SNX2: variants seen among roughly 807,000 people sequenced by gnomAD.
The protein encoded by SNX2 is sorting nexin-2.
A neutral mutation model predicts 69.9 loss-of-function variants in SNX2; 25 were observed. The ratio of observed to expected loss-of-function variants is 0.36; its 90% CI spans 0.26 to 0.50. The LOEUF (loss-of-function observed/expected upper bound fraction) is 0.50, where lower values mean the gene tolerates loss of function less well. Ranked by LOEUF, SNX2 falls within the 20% of genes least tolerant of loss-of-function variation. The pLI, the probability that SNX2 is intolerant of heterozygous loss-of-function variation, is 0.97. For synonymous variants in SNX2, 229 were observed against 200.4 expected, an observed-to-expected ratio of 1.14 and a Z score of -1.20; for missense variants, 551 against 613.3, an observed-to-expected ratio of 0.90 and a Z score of 1.07.
chr5:122,808,432 C>G, intron 7 of SNX2, 77 bp downstream of exon 7: 1 of 1,095,540 alleles, frequency 9.1e-7, no homozygotes, highest in Non-Finnish European at 1.3e-6. Context: ...TATGGCAAAA[C>G]TGTGTTTTAA....
intron 7 of SNX2, 115 bp downstream of exon 7, chr5:122,808,470 T>C (rs1581638441): frequency 1.5e-6 from 1 of 679,698 alleles, no homozygotes; most frequent in East Asian, 2.9e-5. Context: ...AAGTACCACT[T>C]GGTGGCTTTT....
chr5:122,819,328 C>T (rs182564522), intron 11 of SNX2, among the ~76,000 whole-genome samples: 34 of 152,302 alleles, frequency 2.2e-4, no homozygotes, highest in African/African-American at 8.2e-4. Context: ...CGTTCTAGCA[C>T]TAACTGAAAC....
intron 7 of SNX2, among the ~76,000 whole-genome samples, chr5:122,814,418 CT>C (rs1291903540): frequency 6.6e-6 from 1 of 152,128 alleles, no homozygotes; most frequent in Non-Finnish European, 1.5e-5. Context: ...GTTAAATGCT[CT>C]GGTTCTAGTA....
At chr5:122,780,137 A>G (rs1752939478) in intron 1 of SNX2, among the ~76,000 whole-genome samples, 1 of 152,342 alleles carries the variant, frequency 6.6e-6, no homozygotes, top group Admixed American at 6.5e-5. Context: ...TTAGGCAGCT[A>G]GGACTGCTGG....
At chr5:122,792,990 A>G (rs1433638071) in intron 1 of SNX2, among the ~76,000 whole-genome samples, 1 of 152,188 alleles carries the variant, frequency 6.6e-6, no homozygotes, top group Non-Finnish European at 1.5e-5. Context: ...GTTGGCAAAG[A>G]ATTGGAGCAA....
In SNX2 at chr5:122,775,219, C is replaced by G; in HGVS notation, c.108+8C>G. ...ACTGTCTCCACCCTAGAGGTGAGAC[C>G]GCGTCGCTGCGGGTGCTGCGCTGCG... is the stretch of plus-strand genomic sequence containing the variant. On this transcript the variant is annotated splice_region_variant and intron_variant, in intron 1 of 14. Coordinates refer to ENST00000379516, the MANE Select transcript of SNX2 (RefSeq NM_003100.4). 1.3e-6 allele frequency: 2 copies of G among 1,549,148 alleles called. No homozygotes were observed. The highest frequency in any genetic ancestry group is 2.7e-5 in the African/African-American group (2 of 73,298).
intron 11 of SNX2, among the ~76,000 whole-genome samples, chr5:122,823,092 G>T (rs1754060093): frequency 6.6e-6 from 1 of 152,148 alleles, no homozygotes; most frequent in African/African-American, 2.4e-5. Flanking sequence ...AGAGCAGCTT[G>T]CATACAAATG....
chr5:122,811,723 T>C (rs1367561967), intron 7 of SNX2, among the ~76,000 whole-genome samples: 1 of 151,864 alleles, frequency 6.6e-6, no homozygotes, highest in African/African-American at 2.4e-5. Flanking sequence ...CACAGCTACT[T>C]GGGAGGCTGA....
At chr5:122,810,805 A>G (rs567635702) in intron 7 of SNX2, among the ~76,000 whole-genome samples, 6 of 152,360 alleles carry the variant, frequency 3.9e-5, no homozygotes, top group African/African-American at 1.4e-4. Flanking sequence ...GAAACAGTAT[A>G]GTATGAGGGA....
chr5:122,814,767 T>C (rs1379726321), intron 7 of SNX2, among the ~76,000 whole-genome samples: 1 of 152,188 alleles, frequency 6.6e-6, no homozygotes, highest in Non-Finnish European at 1.5e-5. Context: ...TTTTGTTTTT[T>C]GAGACGGAGT....
intron 1 of SNX2, among the ~76,000 whole-genome samples, chr5:122,794,323 C>G (rs1753323750): frequency 7.0e-6 from 1 of 143,460 alleles, no homozygotes; most frequent in Admixed American, 7.1e-5. Flanking sequence ...AACAAACAAA[C>G]AAACAAAAAA....
Position 122,818,994 on chromosome 5 carries a change from G to A in SNX2, c.1183G>A (p.Asp395Asn). The A allele has an allele frequency of 6.2e-7, 1 of 1,613,724 alleles. No individual in the cohort carries two copies. The highest frequency in any genetic ancestry group is 1.1e-5 in the South Asian group (1 of 91,040). ...TTATATGTTTTCAGAACTACTTAGT[G>A]ACTACATTCGTCTTATTGCTGCAGT... ...DFYMFSELLS[D>N]YIRLIAAVKG... The change falls in exon 11 of 15, where the codon GAC becomes AAC. Residue 395 changes from aspartate (D) to asparagine (N), a missense_variant. By Grantham distance (23) the Asp-to-Asn change is conservative. Transcript: ENST00000379516.
chr5:122,775,256 C>T (rs920720225), intron 1 of SNX2, 45 bp downstream of exon 1: 37 of 1,517,068 alleles, frequency 2.4e-5, no homozygotes, highest in Non-Finnish European at 2.8e-5. Flanking sequence ...AGCTGCCGCG[C>T]GTCTCACCTT....
At chr5:122,792,639 A>G (rs572879345) in intron 1 of SNX2, among the ~76,000 whole-genome samples, 36 of 152,278 alleles carry the variant, frequency 2.4e-4, no homozygotes, top group African/African-American at 8.7e-4. Flanking sequence ...ACAAGAAAAT[A>G]TTGATACAAT....
At chr5:122,775,506 C>G (rs1246387371) in intron 1 of SNX2, 3 of 1,100,684 alleles carry the variant, frequency 2.7e-6, no homozygotes, top group Admixed American at 5.1e-5. Context: ...TCCTCGGTGT[C>G]TCTTGCACGT....
At chr5:122,820,544 AAAG>A (rs1561473706) in intron 11 of SNX2, among the ~76,000 whole-genome samples, 1 of 152,112 alleles carries the variant, frequency 6.6e-6, no homozygotes, top group Non-Finnish European at 1.5e-5. Context: ...TAAAAAAAAA[AAAG>A]AATACGTATC....
At chr5:122,810,079 A>G (rs1753734466) in intron 7 of SNX2, among the ~76,000 whole-genome samples, 1 of 150,862 alleles carries the variant, frequency 6.6e-6, no homozygotes, top group Admixed American at 6.6e-5. Flanking sequence ...CTGCCTTGGG[A>G]TCCTGTCGAT....
rs1400029784 is a variant in SNX2, at chr5:122,775,223, TCGCTGCGGGTGCTG to T, written c.108+20_108+33del. 1.9e-6 allele frequency: 3 copies of T among 1,546,906 alleles called. No individual in the cohort carries two copies. Among genetic ancestry groups the T allele is most frequent in the African/African-American group, 2.7e-5 (2 of 73,142 alleles). On this transcript the variant is annotated intron_variant, in intron 1 of 14. Coordinates refer to ENST00000379516, the MANE Select transcript of SNX2 (RefSeq NM_003100.4). ...TCTCCACCCTAGAGGTGAGACCGCGTCGCTGCGGGTGCTGCGCTGCGTAGCTGCCGCGCGTCTCA... is the reference window on the plus strand; with the variant it reads ...TCTCCACCCTAGAGGTGAGACCGCGTCGCTGCGTAGCTGCCGCGCGTCTCA...
At chr5:122,801,830 T>C (rs1753523025) in intron 3 of SNX2, 39 bp from the exon 4 acceptor site, 1 of 1,274,190 alleles carries the variant, frequency 7.8e-7, no homozygotes, top group Admixed American at 2.0e-5. Context: ...TAATTTAAAT[T>C]ATAATTTTTA....
Sources: gnomAD v4.1 joint callset for allele counts (sites outside exome capture counted in the v4.1 genomes callset) on GRCh38, gnomAD v4.1.1 for gene constraint, MANE v1.5 for transcripts, NCBI Gene and HGNC (gene_info 2026-07-23, HGNC 2026-07-21) for gene names.